The following CSMD2 variants were observed in gnomAD, a reference collection of about 807,000 sequenced individuals.
CSMD2 encodes CUB and sushi domain-containing protein 2.
A neutral mutation model predicts 398.5 loss-of-function variants in CSMD2; 130 were observed. The ratio of observed to expected loss-of-function variants is 0.33; its 90% CI spans 0.28 to 0.38. The LOEUF is 0.38. Ranked by LOEUF, CSMD2 falls within the 10% of genes least tolerant of loss-of-function variation. The probability of loss-of-function intolerance (pLI) is 1.00; values close to 1 mark genes in which losing one functional copy is unlikely to be tolerated. For synonymous variants in CSMD2, 1,828 were observed against 1,908.5 expected (o/e 0.96, Z 1.10); for missense variants, 3,829 against 4,764.9 (o/e 0.80, Z 5.78).
intron 6 of CSMD2, 121 bp downstream of exon 6, chr1:33,846,763 C>T (rs553706226): frequency 1.2e-4 from 61 of 515,076 alleles, no homozygotes; most frequent in African/African-American, 8.1e-4. Flanking sequence ...CAAATAGAAA[C>T]GTACAAAGAA....
In CSMD2 at chr1:33,533,174, A is replaced by G; in HGVS notation, c.10047T>C (p.Asp3349=). ...TPTHANVGAL[D]LPSMGYTLIY... is the part of the protein sequence containing the mutation. ...TGAGCGTGTAGCCCATGGAGGGCAAATCCAGGGCCCCGACGTTGGCATGCG... is the reference window on the plus strand; with the variant it reads ...TGAGCGTGTAGCCCATGGAGGGCAAGTCCAGGGCCCCGACGTTGGCATGCG... The change falls in exon 64 of 71, where the codon GAT becomes GAC. Residue 3349 remains aspartate (D), a synonymous_variant. Transcript: ENST00000373381. The surrounding 1 kb of genome is among the most constrained non-coding windows in gnomAD (Gnocchi z 4.2). The G allele has an allele frequency of 6.2e-7, 1 of 1,613,948 alleles. No homozygotes were observed. Among genetic ancestry groups the G allele is most frequent in the Non-Finnish European group, 8.5e-7 (1 of 1,179,976 alleles).
intron 39 of CSMD2, among the ~76,000 whole-genome samples, chr1:33,614,898 TG>T (rs1641287113): frequency 6.6e-6 from 1 of 152,200 alleles, no homozygotes; most frequent in Non-Finnish European, 1.5e-5. Flanking sequence ...GTCAGTTCCC[TG>T]GTGAGGATGT....
intron 1 of CSMD2, among the ~76,000 whole-genome samples, chr1:34,144,796 C>T (rs1400697277): frequency 6.6e-6 from 1 of 152,168 alleles, no homozygotes; most frequent in East Asian, 1.9e-4. Flanking sequence ...GCCTGGGGTT[C>T]CCAGACCCCT....
intron 6 of CSMD2, among the ~76,000 whole-genome samples, chr1:33,832,397 T>A (rs1659689981): frequency 2.1e-5 from 1 of 48,506 alleles, no homozygotes; most frequent in Non-Finnish European, 3.1e-5. Context: ...CTGAACAACC[T>A]GCACTGGGTA....
chr1:33,802,680 C>T (rs1169345230), intron 10 of CSMD2, among the ~76,000 whole-genome samples: 1 of 152,140 alleles, frequency 6.6e-6, no homozygotes, highest in Non-Finnish European at 1.5e-5. Context: ...CTTACACTCC[C>T]ACAAGCAAAC....
chr1:33,606,140 G>A, intron 41 of CSMD2: 1 of 1,247,080 alleles, frequency 8.0e-7, no homozygotes, highest in East Asian at 2.6e-5. Context: ...AAGCAGCTGA[G>A]GCCAGTCCAT....
At chr1:33,864,679 A>G in intron 5 of CSMD2, 1 of 1,613,832 alleles carries the variant, frequency 6.2e-7, no homozygotes, top group Non-Finnish European at 8.5e-7. Context: ...TACCGTAAAC[A>G]ATGTAATGCC....
At chr1:34,127,859 T>G (rs997794378) in intron 1 of CSMD2, among the ~76,000 whole-genome samples, 1 of 151,642 alleles carries the variant, frequency 6.6e-6, no homozygotes, top group Non-Finnish European at 1.5e-5. Context: ...CAGTGGAGAC[T>G]GGCCGGCCTT....
At chr1:33,677,570 A>T (rs943499139) in intron 25 of CSMD2, among the ~76,000 whole-genome samples, 1 of 152,174 alleles carries the variant, frequency 6.6e-6, no homozygotes, top group Non-Finnish European at 1.5e-5. Flanking sequence ...GGGATCTAGA[A>T]CTAGAAATAC....
intron 10 of CSMD2, among the ~76,000 whole-genome samples, chr1:33,800,375 A>T (rs1169857326): frequency 1.3e-5 from 2 of 152,168 alleles, no homozygotes; most frequent in South Asian, 4.1e-4. Flanking sequence ...AGGTACTAAG[A>T]AGGGTCAGAG....
chr1:33,836,359 G>A (rs527493657), intron 6 of CSMD2, among the ~76,000 whole-genome samples: 29 of 152,316 alleles, frequency 1.9e-4, no homozygotes, highest in African/African-American at 5.3e-4. Context: ...CTTGAGCTGC[G>A]TGCTGGGAGA....
chr1:34,005,270 G>A (rs1647022352), intron 3 of CSMD2, among the ~76,000 whole-genome samples: 1 of 152,206 alleles, frequency 6.6e-6, no homozygotes, highest in Non-Finnish European at 1.5e-5. Context: ...CGGGTCATGT[G>A]CTCATTTCTG....
At chr1:33,744,813 A>G (rs556105578) in intron 13 of CSMD2, among the ~76,000 whole-genome samples, 218 of 152,320 alleles carry the variant, frequency 1.4e-3, no homozygotes, top group Middle Eastern at 3.4e-3. Flanking sequence ...GAAAAAATAT[A>G]GAATCCAATA....
chr1:33,750,486 G>T (rs1207099173), intron 13 of CSMD2, among the ~76,000 whole-genome samples: 1 of 152,126 alleles, frequency 6.6e-6, no homozygotes, highest in Admixed American at 6.5e-5. Flanking sequence ...ATAGAGCTGG[G>T]AAGATGAACC....
chr1:33,720,804 T>G (rs1184797118), intron 19 of CSMD2, among the ~76,000 whole-genome samples: 2 of 152,180 alleles, frequency 1.3e-5, no homozygotes, highest in Non-Finnish European at 2.9e-5. Context: ...TTTAAGCAAT[T>G]CTCCTGCCTC....
chr1:33,586,628 A>G lies in CSMD2; in HGVS notation c.6938-11T>C. 1 of 1,558,162 alleles carries G rather than the reference A, an allele frequency of 6.4e-7. No individual in the cohort carries two copies. Among genetic ancestry groups the G allele is most frequent in the East Asian group, 2.2e-5 (1 of 44,492 alleles). The stretch of plus-strand genomic sequence containing the variant: ...AGCGTACGATGTCACCTGTCAAAGA[A>G]AGACCAACATGTAGACCCTCTTAAG... On this transcript the variant is annotated splice_polypyrimidine_tract_variant and intron_variant, in intron 45 of 70. Coordinates refer to ENST00000373381, the MANE Select transcript of CSMD2 (RefSeq NM_001281956.2).
chr1:33,892,067 TAAA>T lies in CSMD2; in HGVS notation c.920+26024_920+26026del, dbSNP rs902216117. On this transcript the variant is annotated intron_variant, in intron 5 of 70. Coordinates refer to ENST00000373381, the MANE Select transcript of CSMD2 (RefSeq NM_001281956.2). ...AGTAAAATAATAATAATAATAATAA[TAAA>T]AAGAAAACCCTAAAGACACCATCAA... Among the ~76,000 whole-genome samples the T allele has an allele frequency of 9.2e-5, 13 of 140,574 alleles. No individual in the cohort carries two copies. The Admixed American group carries it at 9.8e-4, about 11-fold the overall frequency. 92.2% of individuals were successfully genotyped at this position (140,574 alleles called of 152,430 possible).
intron 1 of CSMD2, among the ~76,000 whole-genome samples, chr1:34,121,199 T>C (rs908950407): frequency 1.3e-5 from 2 of 152,196 alleles, no homozygotes; most frequent in African/African-American, 2.4e-5. Context: ...TTTTCTCCTA[T>C]GTTCTTCCAT....
chr1:33,882,558 T>G (rs1463641021), intron 5 of CSMD2, among the ~76,000 whole-genome samples: 1 of 152,186 alleles, frequency 6.6e-6, no homozygotes, highest in Non-Finnish European at 1.5e-5. Context: ...TGTGAAAACT[T>G]GCCTGTTTCT....
Sources: gnomAD v4.1 joint callset for allele counts (sites outside exome capture counted in the v4.1 genomes callset) on GRCh38, gnomAD v4.1.1 for gene constraint, Gnocchi (gnomAD v3.1) non-coding constraint, MANE v1.5 for transcripts, NCBI Gene and HGNC (gene_info 2026-07-23, HGNC 2026-07-21) for gene names.